Variants in ROPN1L observed in about 807,000 individuals in gnomAD.
ROPN1L encodes the protein rhophilin associated tail protein 1 like, also known as ropporin-1-like protein.
Under a neutral mutation model 22.7 loss-of-function variants are expected in ROPN1L, and 23 were observed. That is an observed-to-expected ratio of 1.01 (90% confidence interval 0.73 to 1.43). ROPN1L has a LOEUF of 1.43. Among genes scored for constraint, ROPN1L ranks in the 40% most tolerant of loss-of-function variants. ROPN1L has a pLI of 0.00. For missense variants in ROPN1L, 271 were observed against 291.5 expected (o/e 0.93, Z 0.51); for synonymous variants, 116 against 117.8 (o/e 0.98, Z 0.10).
chr5:10,442,479 C>G (rs180787031), intron 1 of ROPN1L, among the ~76,000 whole-genome samples, 181 bp downstream of exon 1: 59 of 152,318 alleles, frequency 3.9e-4, no homozygotes, highest in African/African-American at 1.3e-3. Context: ...GGAACCATTT[C>G]GATTTATCGA....
intron 4 of ROPN1L, among the ~76,000 whole-genome samples, chr5:10,462,813 G>A (rs753831536): frequency 4.6e-5 from 7 of 152,072 alleles, no homozygotes; most frequent in Non-Finnish European, 1.0e-4. Flanking sequence ...CTTGAGCCCT[G>A]GGGGGGCAGA....
chr5:10,468,882 G>A (rs1480441858), downstream of ROPN1L, among the ~76,000 whole-genome samples: 3 of 152,236 alleles, frequency 2.0e-5, no homozygotes, highest in African/African-American at 4.8e-5. Flanking sequence ...TGGGCTGGGC[G>A]CAATGGCTCA....
chr5:10,446,879 C>A (rs977891305), intron 1 of ROPN1L, among the ~76,000 whole-genome samples: 1 of 152,150 alleles, frequency 6.6e-6, no homozygotes, highest in African/African-American at 2.4e-5. Context: ...GGCACCTATT[C>A]TTCACCCACA....
At chr5:10,457,081 C>T (rs1035993624) in intron 3 of ROPN1L, among the ~76,000 whole-genome samples, 4 of 152,240 alleles carry the variant, frequency 2.6e-5, no homozygotes, top group Non-Finnish European at 5.9e-5. Context: ...TGAGCAAGTC[C>T]TGTCTTGGGG....
chr5:10,442,084 G>C lies in ROPN1L; in HGVS notation c.-84G>C. On this transcript the variant is annotated 5_prime_UTR_variant, in exon 1 of 5. Transcript: ENST00000274134. ...GGCCGCAAGCCCCGCGCTGCTAGCG[G>C]GTCCACCGCGTCGTAGCCGACAGCC... The C allele has an allele frequency of 6.5e-7, 1 of 1,546,342 alleles. No individual in the cohort carries two copies. Among genetic ancestry groups the C allele is most frequent in the African/African-American group, 1.4e-5 (1 of 73,900 alleles).
intron 2 of ROPN1L, among the ~76,000 whole-genome samples, 175 bp from the exon 3 acceptor site, chr5:10,449,777 C>T (rs1271964618): frequency 6.6e-6 from 1 of 152,110 alleles, no homozygotes. Context: ...GGTTGCCGCT[C>T]GCTGCCTTCC....
In ROPN1L at chr5:10,462,840, G is replaced by C. The variant is rs189339520; in HGVS notation, c.593+1481G>C. Among the ~76,000 whole-genome samples the C allele has an allele frequency of 3.0e-3, 456 of 152,282 alleles. 2 individuals are homozygous for C. The highest frequency in any genetic ancestry group is 0.011 in the African/African-American group (438 of 41,552). On this transcript the variant is annotated intron_variant, in intron 4 of 4. Transcript: ENST00000274134. ...GGGGGCAGAGGTTACAGTGACCCGA[G>C]ATTGTGCCATTCCACTTCAGCCTGA...
intron 3 of ROPN1L, among the ~76,000 whole-genome samples, chr5:10,459,711 G>T (rs556646646): frequency 6.6e-6 from 1 of 152,208 alleles, no homozygotes; most frequent in Admixed American, 6.5e-5. Flanking sequence ...TGCTCTGACC[G>T]TCCCTGACCA....
chr5:10,467,284 A>AC (rs1200468792), downstream of ROPN1L, among the ~76,000 whole-genome samples: 5 of 151,208 alleles, frequency 3.3e-5, no homozygotes, highest in Admixed American at 2.6e-4. Flanking sequence ...GAAAAAAAAA[A>AC]AAACCAGAAA....
intron 1 of ROPN1L, among the ~76,000 whole-genome samples, chr5:10,444,207 C>A (rs978531209): frequency 1.3e-5 from 2 of 152,138 alleles, no homozygotes; most frequent in African/African-American, 4.8e-5. Context: ...CAAAAAATTC[C>A]AAGATTTAGC....
At chr5:10,460,342 T>C (rs912792636) in intron 3 of ROPN1L, among the ~76,000 whole-genome samples, 1 of 152,244 alleles carries the variant, frequency 6.6e-6, no homozygotes, top group African/African-American at 2.4e-5. Flanking sequence ...GGGCTGGCCC[T>C]GGGGAGCCCT....
intron 3 of ROPN1L, among the ~76,000 whole-genome samples, chr5:10,456,624 T>C (rs1469250025): frequency 2.0e-5 from 3 of 152,162 alleles, no homozygotes; most frequent in Non-Finnish European, 4.4e-5. Flanking sequence ...CTTTTGGCTG[T>C]TGTGCAAGTG....
chr5:10,451,434 A>G (rs1040756352), intron 3 of ROPN1L, among the ~76,000 whole-genome samples: 3 of 152,232 alleles, frequency 2.0e-5, no homozygotes, highest in African/African-American at 7.2e-5. Flanking sequence ...ACATGCTTCT[A>G]TGTGTCCCGC....
At chr5:10,461,427 C>A in intron 4 of ROPN1L, 68 bp downstream of exon 4, 1 of 1,398,306 alleles carries the variant, frequency 7.2e-7, no homozygotes, top group Non-Finnish European at 1.0e-6. Context: ...TCACTTCCCC[C>A]TTGTAGGGAA....
Position 10,456,544 on chromosome 5 carries a change from A to G in ROPN1L, c.418-4640A>G, listed in dbSNP as rs564088930. Among the ~76,000 whole-genome samples, 4 of 152,326 alleles carry G rather than the reference A, an allele frequency of 2.6e-5. No homozygotes were observed. The South Asian group carries it at 8.3e-4, about 32-fold the overall frequency. On this transcript the variant is annotated intron_variant, in intron 3 of 4. Coordinates refer to ENST00000274134, the MANE Select transcript of ROPN1L (RefSeq NM_031916.5). ...TGCCAGTCACCTCTGCCCAGCACAT[A>G]TCGCACATGGGAGAATAAATCAGCC...
chr5:10,465,503 AG>A (rs1735138108), downstream of ROPN1L, among the ~76,000 whole-genome samples: 1 of 149,174 alleles, frequency 6.7e-6, no homozygotes, highest in Non-Finnish European at 1.5e-5. Context: ...CGACAGAGCG[AG>A]ACTCCGTCTC....
At chr5:10,454,825 AG>A (rs1196194092) in intron 3 of ROPN1L, among the ~76,000 whole-genome samples, 1 of 152,208 alleles carries the variant, frequency 6.6e-6, no homozygotes, top group Admixed American at 6.5e-5. Flanking sequence ...CAGCCCTTTG[AG>A]GAAGGCACCA....
intron 3 of ROPN1L, among the ~76,000 whole-genome samples, chr5:10,451,542 T>A (rs760341485): frequency 2.6e-5 from 4 of 152,280 alleles, no homozygotes; most frequent in Admixed American, 1.3e-4. Flanking sequence ...ATTATATGAC[T>A]AGATGTATTC....
At chr5:10,477,798 C>CCA in the ROPN1L span, among the ~76,000 whole-genome samples, 1 of 152,036 alleles carries the variant, frequency 6.6e-6, no homozygotes, top group Non-Finnish European at 1.5e-5. Flanking sequence ...GGTATGGTGG[C>CCA]GTTCACCTAT....
Sources: allele counts gnomAD v4.1 joint callset (sites outside exome capture counted in the v4.1 genomes callset), GRCh38; gene constraint gnomAD v4.1.1; transcripts MANE v1.5; gene names NCBI Gene and HGNC (gene_info 2026-07-23, HGNC 2026-07-21).